NOTCH2: variants seen among roughly 807,000 people sequenced by gnomAD.
The protein encoded by NOTCH2 is neurogenic locus notch homolog protein 2.
Under a neutral mutation model 235.8 loss-of-function variants are expected in NOTCH2, and 29 were observed. The observed-to-expected ratio is 0.12, with a 90% CI of 0.09 to 0.17. The LOEUF is 0.17. Ranked by LOEUF, NOTCH2 falls within the 10% of genes least tolerant of loss-of-function variation. The pLI is 1.00. For missense variants in NOTCH2, 2,285 were observed against 3,150.2 expected, an observed-to-expected ratio of 0.73 and a Z score of 6.57; for synonymous variants, 1,086 against 1,141.5, an observed-to-expected ratio of 0.95 and a Z score of 0.98.
chr1:119,940,479 T>C (rs1021167221), intron 19 of NOTCH2, 76 bp downstream of exon 19: 6 of 1,343,036 alleles, frequency 4.5e-6, no homozygotes, highest in Non-Finnish European at 6.4e-6. Context: ...AAGGAACTTA[T>C]TCAGACTAGA....
chr1:119,981,708 G>T (rs116567297), intron 5 of NOTCH2, among the ~76,000 whole-genome samples: 2 of 152,110 alleles, frequency 1.3e-5, no homozygotes, highest in South Asian at 2.1e-4. Flanking sequence ...GGTGCTTCAG[G>T]TTAGCACTGT....
At chr1:120,047,868 G>A (rs1460622102) in intron 1 of NOTCH2, among the ~76,000 whole-genome samples, 1 of 129,030 alleles carries the variant, frequency 7.8e-6, no homozygotes, top group Non-Finnish European at 1.6e-5. Context: ...AGGTTCAAGC[G>A]ATTCTCCTGC....
intron 4 of NOTCH2, among the ~76,000 whole-genome samples, chr1:119,988,071 A>G (rs1340085487): frequency 6.6e-6 from 1 of 152,160 alleles, no homozygotes; most frequent in Non-Finnish European, 1.5e-5. Flanking sequence ...TCCTCGAAAT[A>G]TCCCTTAAGG....
chr1:119,979,680 C>A (rs1245792214), intron 5 of NOTCH2, among the ~76,000 whole-genome samples: 1 of 152,012 alleles, frequency 6.6e-6, no homozygotes, highest in Non-Finnish European at 1.5e-5. Flanking sequence ...GTAGCACATA[C>A]AACTAAGTTG....
rs782113095 is a variant in NOTCH2, at chr1:119,963,579, G to A, written c.1910C>T (p.Thr637Met). Residue 637 changes from threonine to methionine, a missense_variant, in exon 11 of 34, where the codon ACG becomes ATG. By Grantham distance (81) the Thr-to-Met change is moderately conservative (BLOSUM62 -1). This residue lies in a region of NOTCH2 where 431 missense variants were observed against 757.8 expected (regional missense o/e 0.57). Transcript: ENST00000256646. ...NGYQCNCQPG[T>M]SGVNCEINFD... is the part of the protein sequence containing the mutation. ...CATAAACAGAGTGGGCTTACCTGAC[G>A]TGCCTGGCTGGCAGTTGCACTGGTA... 5 of 1,613,508 alleles carry A rather than the reference G, an allele frequency of 3.1e-6. No individual in the cohort carries two copies. Among genetic ancestry groups the A allele is most frequent in the African/African-American group, 1.3e-5 (1 of 75,026 alleles).
intron 9 of NOTCH2, among the ~76,000 whole-genome samples, chr1:119,966,029 C>T (rs1397439441): frequency 6.6e-6 from 1 of 152,104 alleles, no homozygotes; most frequent in Non-Finnish European, 1.5e-5. Context: ...CTAAAAATAA[C>T]AGTCTCACAG....
At chr1:119,957,829 A>AACACACACAC (rs3222739) in intron 12 of NOTCH2, among the ~76,000 whole-genome samples, 3,157 of 116,440 alleles carry the variant, frequency 0.027, 109 homozygotes, top group East Asian at 0.069. Context: ...GCCTTATATA[A>AACACACACAC]ACACACACAC....
intron 21 of NOTCH2, among the ~76,000 whole-genome samples, chr1:119,936,089 G>C (rs1431615417): frequency 6.6e-6 from 1 of 152,158 alleles, no homozygotes; most frequent in Non-Finnish European, 1.5e-5. Flanking sequence ...AGAGGGAGGT[G>C]GGGCTGGCTG....
In NOTCH2 at chr1:119,941,569, C is replaced by G. The variant is rs1553196455; in HGVS notation, c.2938G>C (p.Asp980His). The G allele has an allele frequency of 6.2e-7, 1 of 1,614,196 alleles. No homozygotes were observed. Among genetic ancestry groups the G allele is most frequent in the Non-Finnish European group, 8.5e-7 (1 of 1,180,034 alleles). Residue 980 changes from aspartate to histidine, a missense_variant, in exon 18 of 34, where the codon GAT (aspartate) becomes CAT (histidine). Physicochemically the swap from Asp to His is moderately conservative, Grantham distance 81. This residue lies in a region of NOTCH2 where 1,173 missense variants were observed against 1,515.3 expected (regional missense o/e 0.77). Coordinates refer to ENST00000256646, the MANE Select transcript of NOTCH2 (RefSeq NM_024408.4). The stretch of plus-strand genomic sequence containing the variant: ...ATGTTGTTCTCACAATGGACTCCAT[C>G]AAATCCTGCCTGGCACTTGCAAGTG... ...SYTCKCQAGF[D>H]GVHCENNINE...
chr1:120,009,165 A>T (rs1386242870), intron 2 of NOTCH2, among the ~76,000 whole-genome samples: 2 of 152,166 alleles, frequency 1.3e-5, no homozygotes, highest in Non-Finnish European at 2.9e-5. Context: ...AAACAGCAAG[A>T]ATATCTGGAG....
Position 119,915,286 on chromosome 1 carries a change from T to C in NOTCH2, c.*20A>G. 2 of 1,611,686 alleles carry C rather than the reference T, an allele frequency of 1.2e-6. No homozygotes were observed. The highest frequency in any genetic ancestry group is 1.7e-6 in the Non-Finnish European group (2 of 1,179,606). On this transcript the variant is annotated 3_prime_UTR_variant, in exon 34 of 34. Coordinates refer to ENST00000256646, the MANE Select transcript of NOTCH2 (RefSeq NM_024408.4). ...CATTTACAAAAGTCAGTTATGTCTC[T>C]ACACTGGAGGTGGACTCTCTCACGC...
At chr1:119,931,059 C>T (rs112391001) in intron 22 of NOTCH2, among the ~76,000 whole-genome samples, 3,695 of 138,008 alleles carry the variant, frequency 0.027, 83 homozygotes, top group South Asian at 0.12. Flanking sequence ...GCCGAGATTG[C>T]GCTACTGCAC....
At chr1:119,931,382 C>G (rs1649655107) in intron 22 of NOTCH2, among the ~76,000 whole-genome samples, 1 of 151,960 alleles carries the variant, frequency 6.6e-6, no homozygotes, top group South Asian at 2.1e-4. Flanking sequence ...GTTAGCAAGA[C>G]TCCTCATCAT....
chr1:119,924,105 C>T, intron 25 of NOTCH2, 121 bp from the exon 26 acceptor site: 1 of 797,722 alleles, frequency 1.3e-6, no homozygotes, highest in Non-Finnish European at 2.1e-6. Context: ...ACACCCAGGA[C>T]CCAAATGCCC....
intron 2 of NOTCH2, among the ~76,000 whole-genome samples, chr1:120,011,866 A>T (rs1178395351): frequency 2.7e-5 from 4 of 150,842 alleles, no homozygotes; most frequent in Non-Finnish European, 4.5e-5. Flanking sequence ...AATATAAAAA[A>T]TTAGCCAGGC....
intron 1 of NOTCH2, among the ~76,000 whole-genome samples, chr1:120,036,941 C>A (rs1271555833): frequency 6.6e-6 from 1 of 152,184 alleles, no homozygotes; most frequent in Non-Finnish European, 1.5e-5. Flanking sequence ...AAAAGCCTCC[C>A]TTTGTTTTAG....
At chr1:119,932,364 G>A (rs951295125) in intron 22 of NOTCH2, among the ~76,000 whole-genome samples, 1 of 152,118 alleles carries the variant, frequency 6.6e-6, no homozygotes, top group Non-Finnish European at 1.5e-5. Context: ...GAGGCGGGTG[G>A]ATTGCTTGAG....
intron 5 of NOTCH2, among the ~76,000 whole-genome samples, chr1:119,975,900 G>A (rs782208346): frequency 2.9e-4 from 44 of 152,112 alleles, no homozygotes; most frequent in Non-Finnish European, 5.0e-4. Context: ...AGCTACAAGT[G>A]ATGGGTAAAA....
intron 2 of NOTCH2, among the ~76,000 whole-genome samples, chr1:120,014,381 G>T (rs1293615641): frequency 6.6e-6 from 1 of 152,260 alleles, no homozygotes; most frequent in Non-Finnish European, 1.5e-5. Context: ...TAGACAACAC[G>T]GGCAACATGG....
Sources: gnomAD v4.1 joint callset for allele counts (sites outside exome capture counted in the v4.1 genomes callset) on GRCh38, gnomAD v4.1.1 for gene constraint, gnomAD v4.1.1 regional missense constraint, MANE v1.5 for transcripts, NCBI Gene and HGNC (gene_info 2026-07-23, HGNC 2026-07-21) for gene names.